Variants in DPP10 observed in about 807,000 individuals in gnomAD.
The protein encoded by DPP10 is dipeptidyl peptidase like 10.
Under a neutral mutation model 120.9 loss-of-function variants are expected in DPP10, and 33 were observed. The ratio of observed to expected loss-of-function variants is 0.27; its 90% CI spans 0.21 to 0.37. The LOEUF (loss-of-function observed/expected upper bound fraction) is 0.37. DPP10 is among the 10% of genes least tolerant of loss of function. DPP10 has a pLI of 1.00. For missense variants in DPP10, 816 were observed against 942.8 expected, an observed-to-expected ratio of 0.87 and a Z score of 1.76; for synonymous variants, 337 against 326.1, an observed-to-expected ratio of 1.03 and a Z score of -0.36.
intron 19 of DPP10, among the ~76,000 whole-genome samples, chr2:115,809,211 T>G (rs1189187991): frequency 6.6e-6 from 1 of 152,090 alleles, no homozygotes; most frequent in African/African-American, 2.4e-5. Flanking sequence ...AATAAAGAGA[T>G]AAATAGAAGG....
At chr2:115,246,165 T>A (rs1414754374) in intron 1 of DPP10, among the ~76,000 whole-genome samples, 1 of 151,984 alleles carries the variant, frequency 6.6e-6, no homozygotes, top group Non-Finnish European at 1.5e-5. Context: ...AAAAAAAAAA[T>A]GTGCACTTCA....
chr2:115,470,437 C>T (rs2074631579), intron 3 of DPP10, among the ~76,000 whole-genome samples: 1 of 152,114 alleles, frequency 6.6e-6, no homozygotes, highest in African/African-American at 2.4e-5. Context: ...GCCATCAAAT[C>T]ATAGCATATG....
chr2:114,558,757 A>T (rs1573650521), intron 1 of DPP10, among the ~76,000 whole-genome samples: 1 of 152,220 alleles, frequency 6.6e-6, no homozygotes, highest in East Asian at 1.9e-4. Context: ...GATTTTTAAG[A>T]CTTTTGTTGA....
rs151292508 is a variant in DPP10, at chr2:114,817,565, G to T, written c.60+374727G>T. Among the ~76,000 whole-genome samples, 469 of 152,300 alleles carry T rather than the reference G, an allele frequency of 3.1e-3. 1 individual carries two copies. Among genetic ancestry groups the T allele is most frequent in the African/African-American group, 0.011 (456 of 41,574 alleles). On this transcript the variant is annotated intron_variant, in intron 1 of 25. Coordinates refer to ENST00000410059, the MANE Select transcript of DPP10 (RefSeq NM_020868.6). ...GGAGTTCTGGCCGTAGAGAAATGTGGCTCTTACTAGAATCTCATCAAGACA... is the reference window on the plus strand; with the variant it reads ...GGAGTTCTGGCCGTAGAGAAATGTGTCTCTTACTAGAATCTCATCAAGACA...
At chr2:114,467,628 T>G (rs779357806) in intron 1 of DPP10, among the ~76,000 whole-genome samples, 7 of 152,218 alleles carry the variant, frequency 4.6e-5, no homozygotes, top group Non-Finnish European at 1.0e-4. Flanking sequence ...TGATAAGGAA[T>G]CAATGCTTGT....
chr2:115,406,059 A>T (rs2068487630), intron 3 of DPP10, among the ~76,000 whole-genome samples: 2 of 152,208 alleles, frequency 1.3e-5, no homozygotes, highest in Non-Finnish European at 2.9e-5. Context: ...CCACATGGTC[A>T]AGCAATAAAT....
At chr2:115,277,279 G>A (rs1041730669) in intron 1 of DPP10, among the ~76,000 whole-genome samples, 24 of 152,096 alleles carry the variant, frequency 1.6e-4, no homozygotes, top group African/African-American at 5.3e-4. Flanking sequence ...TCCAGAAAAC[G>A]CTGCAAACTA....
intron 5 of DPP10, among the ~76,000 whole-genome samples, chr2:115,687,930 C>T (rs899509042): frequency 6.6e-6 from 1 of 151,980 alleles, no homozygotes; most frequent in African/African-American, 2.4e-5. Flanking sequence ...AGGATGAATA[C>T]CCTCTTTCCC....
intron 1 of DPP10, among the ~76,000 whole-genome samples, chr2:115,262,645 G>A (rs1374576395): frequency 1.3e-5 from 2 of 152,092 alleles, no homozygotes; most frequent in Non-Finnish European, 2.9e-5. Flanking sequence ...TTTTGCTTAT[G>A]TAAAATTAAA....
At chr2:115,141,761 AG>A (rs1189259532) in intron 1 of DPP10, among the ~76,000 whole-genome samples, 5 of 152,056 alleles carry the variant, frequency 3.3e-5, no homozygotes, top group Admixed American at 2.0e-4. Flanking sequence ...ATAGGAAAGG[AG>A]GTTTTTTGTT....
At chr2:115,111,492 T>A (rs943626215) in intron 1 of DPP10, among the ~76,000 whole-genome samples, 1 of 152,178 alleles carries the variant, frequency 6.6e-6, no homozygotes, top group African/African-American at 2.4e-5. Context: ...ACAGGGAATC[T>A]CTTGGGTGGA....
At chr2:114,469,969 G>T (rs528400499) in intron 1 of DPP10, among the ~76,000 whole-genome samples, 1 of 152,334 alleles carries the variant, frequency 6.6e-6, no homozygotes, top group Non-Finnish European at 1.5e-5. Context: ...CCAGGGTAAA[G>T]AAACCAAAAA....
intron 19 of DPP10, 47 bp from the exon 20 acceptor site, chr2:115,814,746 A>T: frequency 7.1e-7 from 1 of 1,415,960 alleles, no homozygotes; most frequent in Non-Finnish European, 9.4e-7. Context: ...AATTTCTACC[A>T]GATTTTCAGT....
chr2:115,403,572 G>A lies in DPP10; in HGVS notation c.271+59660G>A, dbSNP rs527271759. Among the ~76,000 whole-genome samples the A allele has an allele frequency of 7.8e-4, 118 of 151,914 alleles. 1 individual carries two copies. Among genetic ancestry groups the A allele is most frequent in the Non-Finnish European group, 1.2e-3 (83 of 67,944 alleles). ...CTGCCATAACACCCAGCTAATTTTT[G>A]TATTTTCAGTAGAGATAGGGTTTCA... On this transcript the variant is annotated intron_variant, in intron 3 of 25. Coordinates refer to ENST00000410059, the MANE Select transcript of DPP10 (RefSeq NM_020868.6).
At chr2:115,378,026 G>A (rs1285131588) in intron 3 of DPP10, among the ~76,000 whole-genome samples, 1 of 151,826 alleles carries the variant, frequency 6.6e-6, no homozygotes, top group East Asian at 1.9e-4. Flanking sequence ...GGATTGACTT[G>A]GCGATGCGGG....
chr2:115,514,799 G>A (rs1011578354), intron 4 of DPP10, among the ~76,000 whole-genome samples: 6 of 151,786 alleles, frequency 4.0e-5, no homozygotes, highest in African/African-American at 1.4e-4. Context: ...TGTTGCAGAT[G>A]TATATATCAT....
intron 3 of DPP10, among the ~76,000 whole-genome samples, chr2:115,431,930 A>G (rs926795981): frequency 6.6e-6 from 1 of 152,152 alleles, no homozygotes; most frequent in African/African-American, 2.4e-5. Context: ...TTTTGTTAGA[A>G]TTACATCAGA....
intron 7 of DPP10, among the ~76,000 whole-genome samples, chr2:115,720,994 G>A (rs1434383563): frequency 1.3e-5 from 2 of 152,184 alleles, no homozygotes; most frequent in Admixed American, 6.5e-5. Flanking sequence ...GGAAGAAGGT[G>A]AGAACTTCAT....
At chr2:114,570,392 C>G (rs900269757) in intron 1 of DPP10, among the ~76,000 whole-genome samples, 4 of 152,062 alleles carry the variant, frequency 2.6e-5, no homozygotes, top group African/African-American at 9.7e-5. Context: ...CCAAATCCAA[C>G]CAACATATCT....
Sources: allele counts gnomAD v4.1 joint callset (sites outside exome capture counted in the v4.1 genomes callset), GRCh38; gene constraint gnomAD v4.1.1; transcripts MANE v1.5; gene names NCBI Gene and HGNC (gene_info 2026-07-23, HGNC 2026-07-21).